The following ADAMTSL3 variants were observed in gnomAD, a reference collection of about 807,000 sequenced individuals.
ADAMTSL3 encodes the protein ADAMTS like 3.
Under a neutral mutation model 201.7 loss-of-function variants are expected in ADAMTSL3, and 128 were observed. The observed-to-expected ratio is 0.63, with a 90% CI of 0.55 to 0.73. ADAMTSL3 has a LOEUF of 0.73. Among genes scored for constraint, ADAMTSL3 ranks in the 30% least tolerant of loss-of-function variants. The pLI is 0.00. For synonymous variants in ADAMTSL3, 738 were observed against 748.4 expected (o/e 0.99, Z 0.23); for missense variants, 1,990 against 2,119.6 (o/e 0.94, Z 1.20).
intron 6 of ADAMTSL3, among the ~76,000 whole-genome samples, chr15:83,829,363 G>T (rs987439276): frequency 2.6e-5 from 4 of 152,006 alleles, no homozygotes; most frequent in African/African-American, 4.8e-5. Context: ...CTGTGGGATC[G>T]GTGGTGATAT....
chr15:83,787,345 T>G (rs896877453), intron 4 of ADAMTSL3, among the ~76,000 whole-genome samples: 2 of 152,196 alleles, frequency 1.3e-5, no homozygotes. Context: ...ATGGTATAAA[T>G]TTAATACATT....
chr15:83,691,280 C>T (rs889155446), intron 2 of ADAMTSL3, among the ~76,000 whole-genome samples: 2 of 152,130 alleles, frequency 1.3e-5, no homozygotes, highest in African/African-American at 4.8e-5. Flanking sequence ...AATTACTGCA[C>T]CTTCATCCTC....
At chr15:83,969,663 G>T (rs886534902) in intron 19 of ADAMTSL3, among the ~76,000 whole-genome samples, 2 of 152,186 alleles carry the variant, frequency 1.3e-5, no homozygotes, top group African/African-American at 4.8e-5. Context: ...ATTACATAAG[G>T]TATCTAAAAT....
At chr15:83,940,323 C>T (rs1170325924) in intron 17 of ADAMTSL3, among the ~76,000 whole-genome samples, 1 of 152,154 alleles carries the variant, frequency 6.6e-6, no homozygotes, top group East Asian at 1.9e-4. Context: ...TAACAAAATA[C>T]CGTAAGGGTG....
chr15:83,987,907 A>G (rs1311729949), intron 21 of ADAMTSL3, among the ~76,000 whole-genome samples: 2 of 152,198 alleles, frequency 1.3e-5, no homozygotes, highest in Non-Finnish European at 2.9e-5. Context: ...GGTGATTTAG[A>G]AGCAGATTCA....
intron 21 of ADAMTSL3, among the ~76,000 whole-genome samples, chr15:83,987,833 A>G (rs2067507554): frequency 1.3e-5 from 2 of 152,346 alleles, no homozygotes; most frequent in South Asian, 4.1e-4. Context: ...AGAATAGTCC[A>G]TATTGCTAAG....
At chr15:83,784,234 G>A (rs1241592576) in intron 4 of ADAMTSL3, among the ~76,000 whole-genome samples, 1 of 152,108 alleles carries the variant, frequency 6.6e-6, no homozygotes, top group East Asian at 1.9e-4. Flanking sequence ...GACCTTATGT[G>A]CCCTTACACT....
intron 17 of ADAMTSL3, among the ~76,000 whole-genome samples, chr15:83,941,338 AT>A (rs1401319866): frequency 6.6e-6 from 1 of 152,036 alleles, no homozygotes; most frequent in Non-Finnish European, 1.5e-5. Context: ...TTAAATACTA[AT>A]TAATTTTTTC....
chr15:83,868,679 C>A (rs1357936481), intron 8 of ADAMTSL3, among the ~76,000 whole-genome samples: 1 of 152,120 alleles, frequency 6.6e-6, no homozygotes, highest in Non-Finnish European at 1.5e-5. Context: ...GAACTGGAAG[C>A]CTTTTGAAAT....
chr15:83,992,196 T>C (rs1375260109), intron 23 of ADAMTSL3, among the ~76,000 whole-genome samples: 2 of 152,150 alleles, frequency 1.3e-5, no homozygotes, highest in East Asian at 3.9e-4. Context: ...TGAGGGTGCA[T>C]GTAATGAGGG....
At chr15:83,818,882 G>A (rs985473707) in intron 5 of ADAMTSL3, among the ~76,000 whole-genome samples, 2 of 152,140 alleles carry the variant, frequency 1.3e-5, no homozygotes, top group Non-Finnish European at 2.9e-5. Context: ...AACAAGCTAT[G>A]TTTTCTGCCG....
chr15:83,800,457 C>G (rs189498128), intron 4 of ADAMTSL3, among the ~76,000 whole-genome samples: 1 of 152,082 alleles, frequency 6.6e-6, no homozygotes, highest in East Asian at 1.9e-4. Context: ...GACCATTGCT[C>G]TACACATGGT....
chr15:83,840,327 T>C (rs1402629850), intron 7 of ADAMTSL3, among the ~76,000 whole-genome samples: 3 of 152,226 alleles, frequency 2.0e-5, no homozygotes, highest in African/African-American at 7.2e-5. Context: ...AGTTTGTCTT[T>C]GGCAATTTGA....
intron 4 of ADAMTSL3, among the ~76,000 whole-genome samples, chr15:83,779,714 A>G (rs2063136777): frequency 6.6e-6 from 1 of 151,210 alleles, no homozygotes; most frequent in Non-Finnish European, 1.5e-5. Context: ...AAAAAAAAAA[A>G]AAAAGGAAAA....
chr15:83,698,619 G>GCTA (rs1567081062), intron 2 of ADAMTSL3, among the ~76,000 whole-genome samples: 2 of 128,388 alleles, frequency 1.6e-5, no homozygotes, highest in African/African-American at 5.9e-5. Flanking sequence ...TCCTGTGAGG[G>GCTA]CCACATGCCA....
chr15:83,778,488 C>T (rs1207253948), intron 4 of ADAMTSL3, among the ~76,000 whole-genome samples: 3 of 152,126 alleles, frequency 2.0e-5, no homozygotes, highest in East Asian at 3.9e-4. Flanking sequence ...AAATAAATTC[C>T]AACCCAGAAT....
Position 83,891,266 on chromosome 15 carries a change from G to A in ADAMTSL3, c.1212-63G>A, listed in dbSNP as rs1051327311. ...TCTTGGGATGTCAAATATTATATTC[G>A]TCAATTAATGAATGTGTTAATTTAT... On this transcript the variant is annotated intron_variant, in intron 11 of 29. Coordinates refer to ENST00000286744, the MANE Select transcript of ADAMTSL3 (RefSeq NM_207517.3). The A allele has an allele frequency of 2.2e-5, 29 of 1,316,042 alleles. No homozygotes were observed. In the African/African-American group the frequency reaches 2.3e-4, roughly 11 times the overall value. 81.5% of individuals were successfully genotyped at this position (1,316,042 alleles called of 1,614,324 possible).
chr15:83,851,948 G>A (rs1053330970), intron 7 of ADAMTSL3, among the ~76,000 whole-genome samples: 2 of 152,090 alleles, frequency 1.3e-5, no homozygotes, highest in Non-Finnish European at 2.9e-5. Context: ...CAGGATGAAT[G>A]GTTGCTTCTA....
intron 2 of ADAMTSL3, among the ~76,000 whole-genome samples, chr15:83,698,604 C>A (rs962099839): frequency 6.8e-6 from 1 of 147,136 alleles, no homozygotes; most frequent in African/African-American, 2.5e-5. Flanking sequence ...CCTTTGGTCA[C>A]CCCATCCTGT....
Sources: gnomAD v4.1 joint callset for allele counts (sites outside exome capture counted in the v4.1 genomes callset) on GRCh38, gnomAD v4.1.1 for gene constraint, MANE v1.5 for transcripts, NCBI Gene and HGNC (gene_info 2026-07-23, HGNC 2026-07-21) for gene names.